Variants in CSMD1 observed in about 807,000 individuals in gnomAD.
CSMD1 encodes the protein CUB and sushi domain-containing protein 1.
In CSMD1, 213 loss-of-function variants were observed where a neutral mutation model predicts 417.5. The observed-to-expected ratio is 0.51, with a 90% CI of 0.46 to 0.57. The LOEUF (loss-of-function observed/expected upper bound fraction) is 0.57, where lower values mean the gene tolerates loss of function less well. Among genes scored for constraint, CSMD1 ranks in the 20% least tolerant of loss-of-function variants. CSMD1 has a pLI of 0.00. For missense variants in CSMD1, 6,923 were observed against 4,529.7 expected, an observed-to-expected ratio of 1.53 and a Z score of -15.17; for synonymous variants, 2,862 against 1,736.8, an observed-to-expected ratio of 1.65 and a Z score of -16.11.
rs528573037 is a variant in CSMD1, at chr8:4,568,169, G to C, written c.302+69173C>G. Among the ~76,000 whole-genome samples, 69 of 152,202 alleles carry C rather than the reference G, an allele frequency of 4.5e-4. 1 individual carries two copies. The highest frequency in any genetic ancestry group is 1.6e-3 in the African/African-American group (68 of 41,544). ...CTTTTTAAAAAAATATATAAGTTAT[G>C]GGATACATGTGCAGAAAGTGCCAGT... On this transcript the variant is annotated intron_variant, in intron 2 of 69. Coordinates refer to ENST00000635120, the MANE Select transcript of CSMD1 (RefSeq NM_033225.6).
intron 7 of CSMD1, among the ~76,000 whole-genome samples, chr8:3,680,554 C>G (rs182503440): frequency 6.6e-6 from 1 of 152,086 alleles, no homozygotes; most frequent in East Asian, 1.9e-4. Flanking sequence ...AATAGCTTAC[C>G]AACCAAAAAA....
chr8:4,480,442 G>A (rs1183149860), intron 2 of CSMD1, among the ~76,000 whole-genome samples: 2 of 152,174 alleles, frequency 1.3e-5, no homozygotes, highest in African/African-American at 4.8e-5. Context: ...TCTATTGCGA[G>A]CATAACCTTC....
At chr8:3,316,340 A>G (rs1805756576) in intron 23 of CSMD1, among the ~76,000 whole-genome samples, 1 of 152,224 alleles carries the variant, frequency 6.6e-6, no homozygotes. Context: ...ATGTTTTCAA[A>G]TCTATCAGGA....
rs926676445 is a variant in CSMD1 at position 3,636,254 on chromosome 8, C to T, written c.1010-19457G>A. 4.6e-5 allele frequency among the ~76,000 whole-genome samples: 7 copies of T among 152,266 alleles called. No individual in the cohort carries two copies. In the South Asian group the frequency reaches 6.2e-4, roughly 14 times the overall value. ...GTGGAACTGTCATTTTCTAGGACAA[C>T]GATGCCTTCTTCTGGAATCCCTCCT... On this transcript the variant is annotated intron_variant, in intron 7 of 69. Transcript: ENST00000635120.
At chr8:3,510,359 T>G (rs752237322) in intron 10 of CSMD1, among the ~76,000 whole-genome samples, 1 of 151,742 alleles carries the variant, frequency 6.6e-6, no homozygotes, top group Non-Finnish European at 1.5e-5. Flanking sequence ...GGGAGGACAG[T>G]AGAGAAAGCA....
intron 3 of CSMD1, among the ~76,000 whole-genome samples, chr8:4,283,885 C>G (rs1406895152): frequency 1.3e-5 from 2 of 152,154 alleles, no homozygotes; most frequent in Admixed American, 1.3e-4. Flanking sequence ...TTCTCCATGT[C>G]TTATACATAC....
chr8:4,639,546 C>A (rs1002976091), intron 1 of CSMD1, among the ~76,000 whole-genome samples: 6 of 152,126 alleles, frequency 3.9e-5, no homozygotes, highest in Non-Finnish European at 7.3e-5. Context: ...ATGCCCATTT[C>A]CCACTAATGT....
intron 2 of CSMD1, among the ~76,000 whole-genome samples, chr8:4,498,641 T>G (rs1354795371): frequency 6.6e-6 from 1 of 152,202 alleles, no homozygotes; most frequent in Non-Finnish European, 1.5e-5. Context: ...GTTACTTCTT[T>G]CTAATTTTAT....
In CSMD1 at chr8:3,256,309, G is replaced by GAAA. The variant is rs61572877; in HGVS notation, c.4154-26081_4154-26079dup. Among the ~76,000 whole-genome samples the GAAA allele has an allele frequency of 7.5e-3, 608 of 81,430 alleles. 10 individuals are homozygous for GAAA. The highest frequency in any genetic ancestry group is 0.015 in the East Asian group (34 of 2,276). 53.4% of individuals were successfully genotyped at this position (81,430 alleles called of 152,430 possible). On this transcript the variant is annotated intron_variant, in intron 26 of 69. Coordinates refer to ENST00000635120, the MANE Select transcript of CSMD1 (RefSeq NM_033225.6). ...TTGACAGAGCAAGACTAAGTCTCAA[G>GAAA]AAAAAAAAAAAAAAAAGAGAAGAAA... is the stretch of plus-strand genomic sequence containing the variant.
At chr8:4,361,668 C>T (rs981764641) in intron 3 of CSMD1, among the ~76,000 whole-genome samples, 8 of 152,036 alleles carry the variant, frequency 5.3e-5, no homozygotes, top group African/African-American at 1.9e-4. Context: ...TTCCTATCAG[C>T]AGCCAGGTGC....
At position 4,747,011 on chromosome 8, in the gene CSMD1, G is replaced by T. The variant is rs565120436; in HGVS notation, c.86-109453C>A. On this transcript the variant is annotated intron_variant, in intron 1 of 69. Transcript: ENST00000635120. ...TCAAGCAGGGAACTCGTGAGAAGGCGGTTCAGAGAAGCCACTGAGTAGGGA... is the reference window on the plus strand; with the variant it reads ...TCAAGCAGGGAACTCGTGAGAAGGCTGTTCAGAGAAGCCACTGAGTAGGGA... 9.2e-5 allele frequency among the ~76,000 whole-genome samples: 14 copies of T among 152,254 alleles called. No individual in the cohort carries two copies. The East Asian group carries it at 2.3e-3, about 25-fold the overall frequency.
At chr8:3,165,659 C>T (rs937251912) in intron 37 of CSMD1, among the ~76,000 whole-genome samples, 8 of 151,998 alleles carry the variant, frequency 5.3e-5, no homozygotes, top group Admixed American at 4.6e-4. Context: ...GTCTTGAACT[C>T]CTGACCTCGT....
chr8:4,982,452 C>G (rs1193073159), intron 1 of CSMD1, among the ~76,000 whole-genome samples: 1 of 152,178 alleles, frequency 6.6e-6, no homozygotes, highest in Admixed American at 6.5e-5. Context: ...CTTTCTGTCT[C>G]TCTCCCTCAT....
chr8:4,173,957 C>G (rs1797902168), intron 3 of CSMD1, among the ~76,000 whole-genome samples: 2 of 152,042 alleles, frequency 1.3e-5, no homozygotes, highest in Non-Finnish European at 2.9e-5. Context: ...GAAACAAAAA[C>G]AAAAAACTTT....
At chr8:4,979,073 A>G (rs1810728540) in intron 1 of CSMD1, among the ~76,000 whole-genome samples, 1 of 152,174 alleles carries the variant, frequency 6.6e-6, no homozygotes, top group African/African-American at 2.4e-5. Flanking sequence ...TCAAATTTCC[A>G]GGCCTTCCTG....
At chr8:4,291,174 G>A (rs1447773163) in intron 3 of CSMD1, among the ~76,000 whole-genome samples, 1 of 151,924 alleles carries the variant, frequency 6.6e-6, no homozygotes, top group Non-Finnish European at 1.5e-5. Flanking sequence ...TCTCTTTAGT[G>A]TTGCATAATT....
chr8:3,084,894 C>T (rs918563843), intron 49 of CSMD1, among the ~76,000 whole-genome samples: 4 of 151,210 alleles, frequency 2.6e-5, no homozygotes, highest in South Asian at 2.1e-4. Context: ...CTTTTTGCTA[C>T]ATTTTGTTTT....
chr8:4,734,057 G>C (rs1810067623), intron 1 of CSMD1, among the ~76,000 whole-genome samples: 1 of 152,148 alleles, frequency 6.6e-6, no homozygotes, highest in Non-Finnish European at 1.5e-5. Flanking sequence ...CATATTTGGA[G>C]AAACTGAGGT....
chr8:3,246,315 C>T (rs1204691407), intron 26 of CSMD1, among the ~76,000 whole-genome samples: 1 of 152,044 alleles, frequency 6.6e-6, no homozygotes, highest in African/African-American at 2.4e-5. Context: ...CTACACGGTT[C>T]CCTGAAATGC....
Sources: allele counts gnomAD v4.1 joint callset (sites outside exome capture counted in the v4.1 genomes callset), GRCh38; gene constraint gnomAD v4.1.1; transcripts MANE v1.5; gene names NCBI Gene and HGNC (gene_info 2026-07-23, HGNC 2026-07-21).